EHHADH: variants seen among roughly 807,000 people sequenced by gnomAD.
The protein encoded by EHHADH is peroxisomal bifunctional enzyme.
A neutral mutation model predicts 64.4 loss-of-function variants in EHHADH; 48 were observed. The observed-to-expected ratio is 0.75, with a 90% CI of 0.59 to 0.95. EHHADH has a LOEUF of 0.95. EHHADH is among the 40% of genes least tolerant of loss of function. The pLI is 0.00. For synonymous variants in EHHADH, 308 were observed against 326.7 expected (o/e 0.94, Z 0.62); for missense variants, 854 against 876.6 (o/e 0.97, Z 0.33).
At position 185,193,314 on chromosome 3, in the gene EHHADH, T is replaced by C. The variant is rs1237997726; in HGVS notation, c.1084A>G (p.Lys362Glu). Residue 362 changes from lysine to glutamate, a missense_variant, in exon 7 of 7, where the codon AAA becomes GAA. Physicochemically the swap from Lys to Glu is moderately conservative, Grantham distance 56 (BLOSUM62 1). Coordinates refer to ENST00000231887, the MANE Select transcript of EHHADH (RefSeq NM_001966.4). ...TTCACAGATGAAGTTAACCTGGGTT[T>C]TGGTCCTGACCAAGGGTGGCCGCTC... ...QQSGHPWSGPKPRLTSSVKEL... is the reference protein window; with the variant it reads ...QQSGHPWSGPEPRLTSSVKEL... 10 of 1,611,888 alleles carry C rather than the reference T, an allele frequency of 6.2e-6. No individual in the cohort carries two copies. The Admixed American group carries it at 1.3e-4, about 22-fold the overall frequency.
chr3:185,253,576 A>C (rs1577381521), intron 1 of EHHADH, among the ~76,000 whole-genome samples: 1 of 22,774 alleles, frequency 4.4e-5, no homozygotes, highest in South Asian at 6.1e-4. Context: ...TAATTAAAAA[A>C]AAAAAAGAAA....
At chr3:185,240,303 C>G (rs1401608322) in intron 2 of EHHADH, among the ~76,000 whole-genome samples, 1 of 150,478 alleles carries the variant, frequency 6.6e-6, no homozygotes, top group East Asian at 2.0e-4. Flanking sequence ...AGGGAGGAAT[C>G]TTTCCTCCTT....
chr3:185,228,950 C>A (rs563276659), intron 4 of EHHADH, among the ~76,000 whole-genome samples: 1 of 151,834 alleles, frequency 6.6e-6, no homozygotes, highest in Non-Finnish European at 1.5e-5. Flanking sequence ...ATTACAGGTG[C>A]CTGCCACCAT....
chr3:185,200,708 A>C (rs997857956), intron 6 of EHHADH, among the ~76,000 whole-genome samples: 1 of 152,184 alleles, frequency 6.6e-6, no homozygotes, highest in Non-Finnish European at 1.5e-5. Flanking sequence ...CCAAATAAGG[A>C]TGTTTTAAAT....
Position 185,245,536 on chromosome 3 carries a change from C to T in EHHADH, c.178+2878G>A, listed in dbSNP as rs913176112. On this transcript the variant is annotated intron_variant, in intron 2 of 6. Transcript: ENST00000231887. Reference sequence around the variant, plus strand: ...GCCAGTTTTGATACTGGCAACAGAACATCTAGAATGACAAGTTTCACACTG... The same window carrying T: ...GCCAGTTTTGATACTGGCAACAGAATATCTAGAATGACAAGTTTCACACTG... 5 of 999,456 alleles carry T rather than the reference C, an allele frequency of 5.0e-6. No homozygotes were observed. The African/African-American group carries it at 8.1e-5, about 16-fold the overall frequency. The allele number at this position is 999,456 out of a possible 1,614,324, so 61.9% of individuals were successfully genotyped here.
In EHHADH at chr3:185,193,381, C is replaced by A. The variant is rs1717966479; in HGVS notation, c.1017G>T (p.Met339Ile). The change falls in exon 7 of 7, where the codon ATG becomes ATT. Residue 339 changes from methionine (M) to isoleucine (I), a missense_variant. Physicochemically the swap from Met to Ile is conservative, Grantham distance 10. Transcript: ENST00000231887. ...CTTCTTTTTCCAAGACAGAGGTTAT[C>A]ATCTTGTTTGCAGTTGCTAGCTGGT... ...DKNQLATANK[M>I]ITSVLEKEAS... 6.2e-7 allele frequency: 1 copy of A among 1,614,044 alleles called. No individual in the cohort carries two copies. Among genetic ancestry groups the A allele is most frequent in the Non-Finnish European group, 8.5e-7 (1 of 1,180,034 alleles).
chr3:185,243,936 C>A (rs926700761), intron 2 of EHHADH, among the ~76,000 whole-genome samples: 9 of 152,266 alleles, frequency 5.9e-5, no homozygotes, highest in African/African-American at 1.9e-4. Context: ...CTGTCTAGTG[C>A]TGTCAGCGGG....
intron 6 of EHHADH, among the ~76,000 whole-genome samples, chr3:185,197,879 C>T (rs899456984): frequency 3.3e-5 from 5 of 152,050 alleles, no homozygotes; most frequent in African/African-American, 1.2e-4. Context: ...ACACTGCAAC[C>T]TCTGCCTCCT....
chr3:185,196,169 T>C (rs1003703758), intron 6 of EHHADH, among the ~76,000 whole-genome samples: 2 of 152,236 alleles, frequency 1.3e-5, no homozygotes, highest in Admixed American at 6.5e-5. Context: ...TAAAATGAAA[T>C]CTATTAATTT....
Position 185,193,900 on chromosome 3 carries a change from C to T in EHHADH, c.911-413G>A, listed in dbSNP as rs563915150. Among the ~76,000 whole-genome samples the T allele has an allele frequency of 1.5e-4, 23 of 152,042 alleles. No homozygotes were observed. The South Asian group carries it at 3.5e-3, about 23-fold the overall frequency. ...AGGAGGATTTGTACACTAAAAAGTA[C>T]AAAACATTGTTAATAGAAATTAAGT... On this transcript the variant is annotated intron_variant, in intron 6 of 6. Transcript: ENST00000231887.
chr3:185,213,700 T>G (rs1468850623), intron 5 of EHHADH, among the ~76,000 whole-genome samples: 4 of 151,320 alleles, frequency 2.6e-5, no homozygotes, highest in African/African-American at 9.7e-5. Flanking sequence ...GCCAACATGG[T>G]GAAACTCCAT....
chr3:185,209,272 T>A (rs913710027), intron 5 of EHHADH, among the ~76,000 whole-genome samples: 3 of 152,202 alleles, frequency 2.0e-5, no homozygotes, highest in African/African-American at 7.2e-5. Context: ...TGCTTCTGGA[T>A]ATAAATATTT....
intron 6 of EHHADH, among the ~76,000 whole-genome samples, chr3:185,196,310 T>C (rs1718062645): frequency 6.6e-6 from 1 of 152,204 alleles, no homozygotes; most frequent in South Asian, 2.1e-4. Context: ...CGTTAAAAAA[T>C]TAGCCAAAAA....
At chr3:185,207,011 G>C (rs1718414976) in intron 5 of EHHADH, among the ~76,000 whole-genome samples, 1 of 152,054 alleles carries the variant, frequency 6.6e-6, no homozygotes, top group Admixed American at 6.6e-5. Context: ...ACCTTGGCTG[G>C]GCACAGTAGC....
intron 2 of EHHADH, among the ~76,000 whole-genome samples, chr3:185,235,711 T>G (rs1719273106): frequency 1.3e-5 from 2 of 152,200 alleles, no homozygotes; most frequent in Non-Finnish European, 1.5e-5. Context: ...CCAGGAATTC[T>G]GTAATTTTCT....
intron 6 of EHHADH, among the ~76,000 whole-genome samples, chr3:185,201,704 G>A (rs928018817): frequency 2.0e-5 from 3 of 152,082 alleles, no homozygotes; most frequent in African/African-American, 7.2e-5. Context: ...TATTTAGTAC[G>A]CCCTTTCCAA....
Position 185,229,520 on chromosome 3 carries a change from A to G in EHHADH, c.375T>C (p.Val125=). ...TTGCACCAGGGAGAAGTCCCAGTGT[A>G]ACTTCTGGTAAGCCAACTTGAGCCT... ...HAEAQVGLPE[V]TLGLLPGARG... is the part of the protein sequence containing the mutation. Residue 125 remains valine (V), a synonymous_variant, in exon 4 of 7, where the codon GTT becomes GTC. Coordinates refer to ENST00000231887, the MANE Select transcript of EHHADH (RefSeq NM_001966.4). The G allele has an allele frequency of 6.4e-7, 1 of 1,570,108 alleles. No individual in the cohort carries two copies.
intron 6 of EHHADH, among the ~76,000 whole-genome samples, chr3:185,200,288 A>C (rs1322880443): frequency 2.0e-5 from 3 of 152,188 alleles, no homozygotes; most frequent in Non-Finnish European, 1.5e-5. Flanking sequence ...CAGTCATCAG[A>C]AATCACTGAT....
chr3:185,249,503 T>C (rs1719687758), intron 1 of EHHADH, among the ~76,000 whole-genome samples: 1 of 152,050 alleles, frequency 6.6e-6, no homozygotes, highest in Admixed American at 6.6e-5. Flanking sequence ...CTAGCGGGAG[T>C]TGATTGGATC....
Sources: gnomAD v4.1 joint callset for allele counts (sites outside exome capture counted in the v4.1 genomes callset) on GRCh38, gnomAD v4.1.1 for gene constraint, MANE v1.5 for transcripts, NCBI Gene and HGNC (gene_info 2026-07-23, HGNC 2026-07-21) for gene names.